KIF26B: variants seen among roughly 807,000 people sequenced by gnomAD.
KIF26B encodes kinesin-like protein KIF26B.
Under a neutral mutation model 151.2 loss-of-function variants are expected in KIF26B, and 63 were observed. That is an observed-to-expected ratio of 0.42 (90% CI 0.34 to 0.51). KIF26B has a LOEUF of 0.51. Among genes scored for constraint, KIF26B ranks in the 20% least tolerant of loss-of-function variants. KIF26B has a pLI of 0.07. For synonymous variants in KIF26B, 1,357 were observed against 1,262.1 expected, an observed-to-expected ratio of 1.08 and a Z score of -1.59; for missense variants, 2,813 against 2,913.6, an observed-to-expected ratio of 0.97 and a Z score of 0.79.
Position 245,540,248 on chromosome 1 carries a change from G to A in KIF26B, c.1167-519G>A, listed in dbSNP as rs530451010. The stretch of plus-strand genomic sequence containing the variant: ...ATTTGGTGGTATATTTCTAAAACCA[G>A]TTTGATTTTTCCTGTTGCACTGGGG... On this transcript the variant is annotated intron_variant, in intron 4 of 14. Transcript: ENST00000407071. The surrounding 1 kb of genome is among the most constrained non-coding windows in gnomAD (Gnocchi z 4.6). 1.2e-3 allele frequency among the ~76,000 whole-genome samples: 190 copies of A among 152,332 alleles called. 1 individual carries two copies. The highest frequency in any genetic ancestry group is 9.4e-4 in the Non-Finnish European group (64 of 68,040).
intron 4 of KIF26B, among the ~76,000 whole-genome samples, chr1:245,504,922 G>A (rs563198122): frequency 6.6e-6 from 1 of 152,214 alleles, no homozygotes; most frequent in Admixed American, 6.5e-5. Flanking sequence ...GTTTGTAGTT[G>A]GAAAATTAAG....
chr1:245,500,107 T>C (rs907938786), intron 4 of KIF26B, among the ~76,000 whole-genome samples: 45 of 152,358 alleles, frequency 3.0e-4, no homozygotes, highest in African/African-American at 1.0e-3. Context: ...TACATATTCA[T>C]TGTCTAAGCC....
At chr1:245,223,055 G>A (rs1183028262) in intron 2 of KIF26B, among the ~76,000 whole-genome samples, 1 of 152,052 alleles carries the variant, frequency 6.6e-6, no homozygotes, top group Non-Finnish European at 1.5e-5. Context: ...AGGAATATCT[G>A]ACAGTGTTTG....
intron 10 of KIF26B, among the ~76,000 whole-genome samples, chr1:245,680,734 G>A (rs2044423550): frequency 6.6e-6 from 1 of 152,196 alleles, no homozygotes; most frequent in African/African-American, 2.4e-5. Flanking sequence ...TCACTGAAAT[G>A]CATTTGTAAC....
intron 9 of KIF26B, among the ~76,000 whole-genome samples, chr1:245,637,515 T>C (rs1371065519): frequency 6.6e-6 from 1 of 152,090 alleles, no homozygotes; most frequent in African/African-American, 2.4e-5. Flanking sequence ...CTTTTTAGCT[T>C]GATGTAATCC....
Position 245,685,940 on chromosome 1 carries a change from G to T in KIF26B, c.2957G>T (p.Gly986Val), listed in dbSNP as rs1481947028. Reference sequence around the variant, plus strand: ...GATAAGGAAGATAATGGGTCCGAAGGTCAGCTGACCAACAGAGAAGGCCCT... The same window carrying T: ...GATAAGGAAGATAATGGGTCCGAAGTTCAGCTGACCAACAGAGAAGGCCCT... ...ESDKEDNGSE[G>V]QLTNREGPEL... Residue 986 changes from glycine to valine, a missense_variant, in exon 12 of 15, where the codon GGT (glycine) becomes GTT (valine). Gly to Val is a moderately radical substitution (Grantham distance 109). Coordinates refer to ENST00000407071, the MANE Select transcript of KIF26B (RefSeq NM_018012.4). 1 of 1,611,050 alleles carries T rather than the reference G, an allele frequency of 6.2e-7. No homozygotes were observed. The highest frequency in any genetic ancestry group is 1.7e-5 in the Admixed American group (1 of 59,662).
At position 245,185,288 on chromosome 1, in the gene KIF26B, G is replaced by A. The variant is rs915956001; in HGVS notation, c.465+28605G>A. Among the ~76,000 whole-genome samples, 11 of 151,956 alleles carry A rather than the reference G, an allele frequency of 7.2e-5. No individual in the cohort carries two copies. The East Asian group carries it at 7.8e-4, about 11-fold the overall frequency. ...CGGGTAGCTGGGATTACAGGCACCC[G>A]CCACCACACCTGGCTAGTTTTTGTA... On this transcript the variant is annotated intron_variant, in intron 2 of 14. Coordinates refer to ENST00000407071, the MANE Select transcript of KIF26B (RefSeq NM_018012.4).
chr1:245,664,411 C>T (rs2044191083), intron 10 of KIF26B, among the ~76,000 whole-genome samples: 1 of 150,880 alleles, frequency 6.6e-6, no homozygotes, highest in African/African-American at 2.4e-5. Flanking sequence ...GAAGGTTTTC[C>T]TAGGAACCCA....
At chr1:245,492,401 A>G (rs1215143209) in intron 4 of KIF26B, among the ~76,000 whole-genome samples, 1 of 152,216 alleles carries the variant, frequency 6.6e-6, no homozygotes, top group Non-Finnish European at 1.5e-5. Context: ...GTTCTCTTAA[A>G]TACAGTGTTC....
intron 2 of KIF26B, among the ~76,000 whole-genome samples, chr1:245,362,364 TAAAA>T (rs775148578): frequency 2.4e-5 from 2 of 82,564 alleles, no homozygotes; most frequent in African/African-American, 4.3e-5. Context: ...CCGTCTCTAC[TAAAA>T]AAAAAAAAAA....
At chr1:245,670,075 A>G (rs531972772) in intron 10 of KIF26B, among the ~76,000 whole-genome samples, 1 of 152,228 alleles carries the variant, frequency 6.6e-6, no homozygotes, top group East Asian at 1.9e-4. Context: ...AGACCTCACC[A>G]CTATACAGTT....
chr1:245,643,190 G>T (rs1474065829), intron 9 of KIF26B, among the ~76,000 whole-genome samples: 1 of 152,074 alleles, frequency 6.6e-6, no homozygotes, highest in Admixed American at 6.5e-5. Context: ...TTTAATAAGG[G>T]TATTTTAGAC....
intron 3 of KIF26B, among the ~76,000 whole-genome samples, chr1:245,418,552 A>AAAG (rs1658373616): frequency 1.3e-5 from 2 of 152,234 alleles, no homozygotes. Flanking sequence ...ATTCAGTTAC[A>AAAG]AAGTGGAAAC....
Position 245,496,834 on chromosome 1 carries a change from T to C in KIF26B, c.1167-43933T>C, listed in dbSNP as rs189835375. On this transcript the variant is annotated intron_variant, in intron 4 of 14. Coordinates refer to ENST00000407071, the MANE Select transcript of KIF26B (RefSeq NM_018012.4). ...TCATAAATGTAAGGACAAAAAGAAG[T>C]TGAAGATAAAAGAATGAAAAAAAGA... 1.4e-3 allele frequency among the ~76,000 whole-genome samples: 208 copies of C among 151,912 alleles called. 1 individual carries two copies. Among genetic ancestry groups the C allele is most frequent in the African/African-American group, 4.9e-3 (203 of 41,400 alleles).
intron 10 of KIF26B, 34 bp downstream of exon 10, chr1:245,646,314 G>C (rs761548465): frequency 6.2e-7 from 1 of 1,606,840 alleles, no homozygotes; most frequent in South Asian, 1.1e-5. Flanking sequence ...AATGTGGTGG[G>C]GTAAGCATGG....
chr1:245,182,691 A>T (rs1209747868), intron 2 of KIF26B, among the ~76,000 whole-genome samples: 33 of 152,098 alleles, frequency 2.2e-4, no homozygotes, highest in Admixed American at 2.1e-3. Context: ...GCTGGAGTGC[A>T]GTGGCGCCAT....
At chr1:245,671,559 G>A (rs560754190) in intron 10 of KIF26B, among the ~76,000 whole-genome samples, 1 of 152,308 alleles carries the variant, frequency 6.6e-6, no homozygotes, top group African/African-American at 2.4e-5. Flanking sequence ...TGTGATGGTT[G>A]CACAACAATG....
At chr1:245,661,030 G>A (rs191010268) in intron 10 of KIF26B, among the ~76,000 whole-genome samples, 9 of 146,664 alleles carry the variant, frequency 6.1e-5, no homozygotes, top group Admixed American at 4.9e-4. Flanking sequence ...TCTGTTGTCC[G>A]GGCTGGAGTG....
At chr1:245,589,438 G>C (rs2043262856) in intron 5 of KIF26B, among the ~76,000 whole-genome samples, 1 of 152,184 alleles carries the variant, frequency 6.6e-6, no homozygotes, top group Admixed American at 6.5e-5. Context: ...GAAGGGGGCT[G>C]ATGCTGTCAC....
Sources: allele counts gnomAD v4.1 joint callset (sites outside exome capture counted in the v4.1 genomes callset), GRCh38; gene constraint gnomAD v4.1.1; non-coding constraint Gnocchi (gnomAD v3.1); transcripts MANE v1.5; gene names NCBI Gene and HGNC (gene_info 2026-07-23, HGNC 2026-07-21).